Variants in DNAH2 observed in about 807,000 individuals in gnomAD.
DNAH2 encodes the protein axonemal beta dynein heavy chain 2.
A neutral mutation model predicts 523.5 loss-of-function variants in DNAH2; 323 were observed. That is an observed-to-expected ratio of 0.62 (90% CI 0.56 to 0.68). DNAH2 has a LOEUF of 0.68. DNAH2 is among the 30% of genes least tolerant of loss of function. The probability of loss-of-function intolerance (pLI) is 0.00; values close to 1 mark genes in which losing one functional copy is unlikely to be tolerated. For missense variants in DNAH2, 4,907 were observed against 5,701.5 expected, an observed-to-expected ratio of 0.86 and a Z score of 4.49; for synonymous variants, 2,093 against 2,177.4, an observed-to-expected ratio of 0.96 and a Z score of 1.08.
At chr17:7,759,751 C>G in intron 16 of DNAH2, 40 bp from the exon 17 acceptor site, 1 of 1,613,442 alleles carries the variant, frequency 6.2e-7, no homozygotes. Context: ...CCTTCCCAGT[C>G]CTAAGGCTTT....
At chr17:7,748,589 G>A (rs1006724007) in intron 12 of DNAH2, among the ~76,000 whole-genome samples, 1 of 152,050 alleles carries the variant, frequency 6.6e-6, no homozygotes, top group Non-Finnish European at 1.5e-5. Context: ...TCCGCCTCCC[G>A]GGCTCAAGCA....
intron 35 of DNAH2, 103 bp downstream of exon 35, chr17:7,778,572 C>T (rs1304475912): frequency 9.8e-7 from 1 of 1,020,928 alleles, no homozygotes. Flanking sequence ...AGCTTCATGA[C>T]ATTGCATCAC....
Position 7,778,457 on chromosome 17 carries a change from A to C in DNAH2, c.5529A>C (p.Ser1843=), listed in dbSNP as rs2076518242. The change falls in exon 35 of 86, where the codon TCA becomes TCC. Residue 1843 remains serine (S), a synonymous_variant. Coordinates refer to ENST00000572933, the MANE Select transcript of DNAH2 (RefSeq NM_020877.5). ...LDYKSMGRMY[S]GLAQTGAWGC... The stretch of plus-strand genomic sequence containing the variant: ...ACAAGTCCATGGGCCGAATGTACTC[A>C]GGTCTGGCCCAGGTCAGTATCCTGC... 1.2e-6 allele frequency: 2 copies of C among 1,613,574 alleles called. No individual in the cohort carries two copies. Among genetic ancestry groups the C allele is most frequent in the African/African-American group, 2.7e-5 (2 of 74,914 alleles).
rs377094681 is a variant in DNAH2 at position 7,831,735 on chromosome 17, A to G, written c.12686A>G (p.Asn4229Ser). The G allele has an allele frequency of 9.9e-6, 16 of 1,614,144 alleles. No homozygotes were observed. The highest frequency in any genetic ancestry group is 8.3e-5 in the Admixed American group (5 of 60,016). Reference sequence around the variant, plus strand: ...TCTACAAGCCTGGAAGAGATTTTCAATTGCATCTTTGATGCCCATGTTCCT... The same window carrying G: ...TCTACAAGCCTGGAAGAGATTTTCAGTTGCATCTTTGATGCCCATGTTCCT... ...VMSTSLEEIF[N>S]CIFDAHVPPL... Residue 4229 changes from asparagine to serine, a missense_variant, in exon 82 of 86, where the codon AAT becomes AGT. By Grantham distance (46) the Asn-to-Ser change is conservative. Around this residue, in one of 3 missense-constraint regions of DNAH2, gnomAD observed 1,851 missense variants for 2,139.4 expected, o/e 0.87. Transcript: ENST00000572933. This position sits in a 1 kb window ranked among gnomAD's most constrained non-coding sequence, Gnocchi z 4.2.
Position 7,824,172 on chromosome 17 carries a change from G to C in DNAH2, c.11530G>C (p.Gly3844Arg). 6.3e-7 allele frequency: 1 copy of C among 1,599,808 alleles called. No homozygotes were observed. The highest frequency in any genetic ancestry group is 8.5e-7 in the Non-Finnish European group (1 of 1,175,240). ...RSPLVFILSP[G>R]VDPTSALLQL... is the part of the protein sequence containing the mutation. ...CCCACTCGTGTTCATCCTGTCCCCTGGTGTGGACCCCACCAGTGCCCTGCT... is the reference window on the plus strand; with the variant it reads ...CCCACTCGTGTTCATCCTGTCCCCTCGTGTGGACCCCACCAGTGCCCTGCT... The change falls in exon 76 of 86, where the codon GGT becomes CGT. Residue 3844 changes from glycine (G) to arginine (R), a missense_variant. Gly to Arg is a moderately radical substitution (Grantham distance 125). Transcript: ENST00000572933.
At chr17:7,726,669 A>G (rs2074822430) in intron 3 of DNAH2, among the ~76,000 whole-genome samples, 1 of 151,800 alleles carries the variant, frequency 6.6e-6, no homozygotes, top group Non-Finnish European at 1.5e-5. Context: ...ATTGACTTTT[A>G]CCTAGTATTT....
rs769162293 is a variant in DNAH2 at position 7,739,887 on chromosome 17, G to A, written c.1325G>A (p.Arg442His). ...HKNLHTLRAV[R>H]GGILDVKNTC... ...AATCTGCACACGCTGCGAGCCGTTC[G>A]CGGGGGTATCCTGGATGTCAAGAAC... The change falls in exon 9 of 86, where the codon CGC becomes CAC. Residue 442 changes from arginine (R) to histidine (H), a missense_variant. This residue lies in a region of DNAH2 where 2,806 missense variants were observed against 3,190.8 expected (regional missense o/e 0.88). Transcript: ENST00000572933. The A allele has an allele frequency of 1.4e-5, 22 of 1,614,026 alleles. No homozygotes were observed. The highest frequency in any genetic ancestry group is 8.3e-5 in the Admixed American group (5 of 59,994).
At chr17:7,770,190 G>A in intron 24 of DNAH2, 62 bp from the exon 25 acceptor site, 1 of 1,515,006 alleles carries the variant, frequency 6.6e-7, no homozygotes, top group South Asian at 1.3e-5. Flanking sequence ...TGTCCCAGTG[G>A]GAGACAGCAA....
chr17:7,742,862 G>T lies in DNAH2; in HGVS notation c.1690-66G>T. ...CGCATGCGCGCATGTGTAGGTCTCAGGGAGATGGTGGCCCCTGGAGGAAGG... is the reference window on the plus strand; with the variant it reads ...CGCATGCGCGCATGTGTAGGTCTCATGGAGATGGTGGCCCCTGGAGGAAGG... On this transcript the variant is annotated intron_variant, in intron 11 of 85. Transcript: ENST00000572933. 6 of 1,230,972 alleles carry T rather than the reference G, an allele frequency of 4.9e-6. No individual in the cohort carries two copies. In the Admixed American group the frequency reaches 1.9e-4, roughly 40 times the overall value. The allele number at this position is 1,230,972 out of a possible 1,614,324, so 76.3% of individuals were successfully genotyped here.
chr17:7,833,386 C>A lies in DNAH2; in HGVS notation c.13137C>A (p.Tyr4379Ter). The change falls in exon 86 of 86, where the codon TAC becomes TAA. Residue 4379 changes from tyrosine to a stop codon, truncating the protein, a stop_gained. Transcript: ENST00000572933. LOFTEE classifies it high-confidence loss of function. ...ESRKKSAKGM[Y>*]SCPCYYYPNR... ...TCCTCTCCTTTCCCCCAGGCATGTA[C>A]TCCTGCCCCTGCTATTACTATCCCA... 6.2e-7 allele frequency: 1 copy of A among 1,614,112 alleles called. No individual in the cohort carries two copies. The highest frequency in any genetic ancestry group is 8.5e-7 in the Non-Finnish European group (1 of 1,180,032).
At chr17:7,751,581 C>A (rs930696216) in intron 12 of DNAH2, among the ~76,000 whole-genome samples, 4 of 152,116 alleles carry the variant, frequency 2.6e-5, no homozygotes, top group African/African-American at 9.7e-5. Context: ...AGAGCCATCT[C>A]ATTTAGAGTT....
chr17:7,816,975 C>T (rs894239244), intron 64 of DNAH2, among the ~76,000 whole-genome samples: 1 of 152,180 alleles, frequency 6.6e-6, no homozygotes, highest in African/African-American at 2.4e-5. Flanking sequence ...CTGGGAAGCA[C>T]ACACAAGGAC....
chr17:7,827,001 G>A (rs60261761), intron 77 of DNAH2, among the ~76,000 whole-genome samples: 13,708 of 151,964 alleles, frequency 0.09, 948 homozygotes, highest in East Asian at 0.25. Flanking sequence ...CTGGAGTTAG[G>A]GATTCTTTTT....
At position 7,757,191 on chromosome 17, in the gene DNAH2, C is replaced by T. The variant is rs1319881112; in HGVS notation, c.2005C>T (p.Arg669Cys). 1.9e-6 allele frequency: 3 copies of T among 1,614,176 alleles called. No individual in the cohort carries two copies. Among genetic ancestry groups the T allele is most frequent in the Non-Finnish European group, 2.5e-6 (3 of 1,180,030 alleles). The change falls in exon 13 of 86, where the codon CGC (arginine) becomes TGC (cysteine). Residue 669 changes from arginine to cysteine, a missense_variant. By Grantham distance (180) the Arg-to-Cys change is radical. Around this residue, in one of 3 missense-constraint regions of DNAH2, gnomAD observed 2,806 missense variants for 3,190.8 expected, o/e 0.88. Coordinates refer to ENST00000572933, the MANE Select transcript of DNAH2 (RefSeq NM_020877.5). ...CGTAGCTGAGCGAGCCGAGGACCTG[C>T]GCATTCTGCGTGAAAATCTGCTACT... Reference protein sequence around the residue: ...VNVAERAEDLRILRENLLLVA... With the variant: ...VNVAERAEDLCILRENLLLVA...
In DNAH2 at chr17:7,800,342, C is replaced by T. The variant is rs112014341; in HGVS notation, c.8699+1100C>T. ...CTGGGATTACAGGCGTGAGCCACCGCGCCCAGCTACCATTTGTCTATCTGC... is the reference window on the plus strand; with the variant it reads ...CTGGGATTACAGGCGTGAGCCACCGTGCCCAGCTACCATTTGTCTATCTGC... On this transcript the variant is annotated intron_variant, in intron 56 of 85. Transcript: ENST00000572933. 1.7e-4 allele frequency among the ~76,000 whole-genome samples: 26 copies of T among 152,200 alleles called. 1 individual carries two copies. Among genetic ancestry groups the T allele is most frequent in the African/African-American group, 3.6e-4 (15 of 41,540 alleles).
At chr17:7,812,867 C>A (rs976072285) in intron 63 of DNAH2, among the ~76,000 whole-genome samples, 1 of 147,926 alleles carries the variant, frequency 6.8e-6, no homozygotes, top group African/African-American at 2.5e-5. Flanking sequence ...CACTTGAACC[C>A]GGGAGGCGGG....
intron 28 of DNAH2, among the ~76,000 whole-genome samples, chr17:7,771,760 A>G (rs1466510936): frequency 6.6e-6 from 1 of 152,120 alleles, no homozygotes; most frequent in Non-Finnish European, 1.5e-5. Context: ...CACATTGCCC[A>G]GGCTGGAGTG....
At chr17:7,791,776 T>G in intron 44 of DNAH2, 141 bp from the exon 45 acceptor site, 12 of 788,440 alleles carry the variant, frequency 1.5e-5, no homozygotes, top group Non-Finnish European at 2.4e-5. Context: ...AACATCCACA[T>G]TTGGAAAACT....
chr17:7,793,499 CTT>C (rs775095887), intron 48 of DNAH2, among the ~76,000 whole-genome samples: 18 of 135,028 alleles, frequency 1.3e-4, no homozygotes, highest in South Asian at 2.3e-4. Context: ...TTCTTTCTTT[CTT>C]TCTTTCTTTC....
Sources: gnomAD v4.1 joint callset for allele counts (sites outside exome capture counted in the v4.1 genomes callset) on GRCh38, gnomAD v4.1.1 for gene constraint, gnomAD v4.1.1 regional missense constraint, Gnocchi (gnomAD v3.1) non-coding constraint, MANE v1.5 for transcripts, NCBI Gene and HGNC (gene_info 2026-07-23, HGNC 2026-07-21) for gene names.